EPB41L4A: variants seen among roughly 807,000 people sequenced by gnomAD.
The protein encoded by EPB41L4A is erythrocyte membrane protein band 4.1 like 4A.
Under a neutral mutation model 108.6 loss-of-function variants are expected in EPB41L4A, and 100 were observed. The ratio of observed to expected loss-of-function variants is 0.92; its 90% confidence interval spans 0.78 to 1.09. The LOEUF (loss-of-function observed/expected upper bound fraction) is 1.09, where lower values mean the gene tolerates loss of function less well. Ranked by LOEUF, EPB41L4A falls within the 50% of genes least tolerant of loss-of-function variation. The pLI, the probability that EPB41L4A is intolerant of heterozygous loss-of-function variation, is 0.00. For missense variants in EPB41L4A, 1,030 were observed against 842.7 expected (o/e 1.22, Z -2.75); for synonymous variants, 319 against 289.0 (o/e 1.10, Z -1.05).
chr5:112,195,790 C>T, intron 15 of EPB41L4A, 82 bp from the exon 16 acceptor site: 1 of 1,189,702 alleles, frequency 8.4e-7, no homozygotes, highest in Non-Finnish European at 1.2e-6. Context: ...AGTTTCACTT[C>T]AGTTAACACA....
intron 15 of EPB41L4A, among the ~76,000 whole-genome samples, chr5:112,203,094 C>T (rs887002517): frequency 5.9e-5 from 9 of 152,012 alleles, no homozygotes; most frequent in African/African-American, 9.7e-5. Context: ...AGGCCGGGCG[C>T]GGTGACTCAT....
intron 1 of EPB41L4A, among the ~76,000 whole-genome samples, chr5:112,319,214 G>C (rs1053501448): frequency 6.6e-6 from 1 of 152,112 alleles, no homozygotes; most frequent in Non-Finnish European, 1.5e-5. Context: ...CAAAAGCTAG[G>C]AGCCAGCTTG....
chr5:112,275,206 G>A (rs1752542419), intron 4 of EPB41L4A, 120 bp downstream of exon 4: 1 of 1,241,736 alleles, frequency 8.1e-7, no homozygotes, highest in African/African-American at 1.6e-5. Flanking sequence ...CTAAGGAGAT[G>A]CGTTACAAAA....
intron 2 of EPB41L4A, among the ~76,000 whole-genome samples, chr5:112,287,810 T>TA (rs1393682254): frequency 3.9e-5 from 6 of 152,112 alleles, no homozygotes; most frequent in Admixed American, 2.0e-4. Flanking sequence ...AAATGTGGAA[T>TA]AAAAAATGTA....
At chr5:112,355,261 T>C (rs1758292894) in intron 1 of EPB41L4A, among the ~76,000 whole-genome samples, 1 of 152,254 alleles carries the variant, frequency 6.6e-6, no homozygotes, top group Admixed American at 6.5e-5. Context: ...ATAGTTTCTA[T>C]GCAACTAAAA....
intron 1 of EPB41L4A, among the ~76,000 whole-genome samples, chr5:112,354,961 A>AT (rs1006946786): frequency 3.9e-5 from 6 of 152,010 alleles, no homozygotes; most frequent in African/African-American, 9.7e-5. Flanking sequence ...ATTTTATCTG[A>AT]TTTTTTTTAA....
At chr5:112,248,251 G>C (rs34947473) in intron 9 of EPB41L4A, among the ~76,000 whole-genome samples, 1 of 152,124 alleles carries the variant, frequency 6.6e-6, no homozygotes, top group Non-Finnish European at 1.5e-5. Context: ...CACTGCCATG[G>C]CATTTCAAAT....
intron 1 of EPB41L4A, among the ~76,000 whole-genome samples, chr5:112,351,941 G>T (rs1758069134): frequency 6.6e-6 from 1 of 152,114 alleles, no homozygotes; most frequent in Admixed American, 6.5e-5. Flanking sequence ...TTGATAAAAT[G>T]TAACATTCTT....
intron 1 of EPB41L4A, among the ~76,000 whole-genome samples, chr5:112,314,535 A>AAAAAAAAAAAAAAAAAAAAAAC (rs1755292890): frequency 7.8e-6 from 1 of 128,688 alleles, no homozygotes; most frequent in Non-Finnish European, 1.6e-5. Context: ...AAAAAAAAAA[A>AAAAAAAAAAAAAAAAAAAAAAC]AAAGAAAAGA....
chr5:112,341,337 C>T lies in EPB41L4A; in HGVS notation c.100-33847G>A, dbSNP rs191536995. ...CTAAAACTGATACAAATGTTTCTTA[C>T]TCCTCTCATAACCAGTTCTTCAATG... On this transcript the variant is annotated intron_variant, in intron 1 of 22. Transcript: ENST00000261486. 1.4e-3 allele frequency among the ~76,000 whole-genome samples: 208 copies of T among 152,308 alleles called. 1 individual carries two copies. The highest frequency in any genetic ancestry group is 4.8e-3 in the African/African-American group (198 of 41,572).
intron 1 of EPB41L4A, among the ~76,000 whole-genome samples, chr5:112,379,272 A>G (rs971888557): frequency 6.6e-6 from 1 of 152,164 alleles, no homozygotes; most frequent in African/African-American, 2.4e-5. Context: ...TAAACCTATA[A>G]AACAATTAGA....
At chr5:112,170,188 T>G (rs1560052) in intron 20 of EPB41L4A, 113 bp downstream of exon 20, 738,398 of 1,066,218 alleles carry the variant, frequency 0.69, 261,138 homozygotes, top group East Asian at 1. Context: ...CCTAGTTTTG[T>G]TTAAAATGTA....
chr5:112,168,373 A>C (rs906390905), intron 22 of EPB41L4A, among the ~76,000 whole-genome samples: 7 of 152,250 alleles, frequency 4.6e-5, no homozygotes, highest in African/African-American at 1.7e-4. Flanking sequence ...ATCAGTTAAC[A>C]AAGTGAGTCT....
intron 1 of EPB41L4A, among the ~76,000 whole-genome samples, chr5:112,313,021 T>C (rs770733282): frequency 3.9e-5 from 6 of 152,224 alleles, no homozygotes; most frequent in African/African-American, 1.4e-4. Context: ...CATGACTTCA[T>C]TCATTGAAAT....
At chr5:112,228,952 C>A (rs1013339910) in intron 12 of EPB41L4A, among the ~76,000 whole-genome samples, 2 of 152,218 alleles carry the variant, frequency 1.3e-5, no homozygotes, top group African/African-American at 4.8e-5. Context: ...AAATTCTAAA[C>A]ACAATGGCTT....
At chr5:112,172,920 G>A (rs542105235) in intron 18 of EPB41L4A, among the ~76,000 whole-genome samples, 4 of 152,142 alleles carry the variant, frequency 2.6e-5, no homozygotes, top group Non-Finnish European at 5.9e-5. Flanking sequence ...TGTGCTGCAG[G>A]AGGCTGTCCT....
intron 18 of EPB41L4A, among the ~76,000 whole-genome samples, chr5:112,181,286 C>T (rs909304143): frequency 3.3e-5 from 5 of 151,246 alleles, no homozygotes; most frequent in Non-Finnish European, 5.9e-5. Context: ...CCCGTCTCTA[C>T]TAAATATATA....
At chr5:112,347,714 A>G (rs1039376152) in intron 1 of EPB41L4A, among the ~76,000 whole-genome samples, 1 of 152,238 alleles carries the variant, frequency 6.6e-6, no homozygotes, top group Admixed American at 6.5e-5. Context: ...GCAGTGAGAA[A>G]GAATGTGAAC....
intron 1 of EPB41L4A, among the ~76,000 whole-genome samples, chr5:112,395,896 C>T (rs1243566549): frequency 3.3e-5 from 5 of 152,176 alleles, no homozygotes; most frequent in Non-Finnish European, 5.9e-5. Flanking sequence ...ACATTATACA[C>T]CATGCAATAC....
Sources: allele counts gnomAD v4.1 joint callset (sites outside exome capture counted in the v4.1 genomes callset), GRCh38; gene constraint gnomAD v4.1.1; transcripts MANE v1.5; gene names NCBI Gene and HGNC (gene_info 2026-07-23, HGNC 2026-07-21).